The following NRG3 variants were observed in gnomAD, a reference collection of about 807,000 sequenced individuals.
The protein encoded by NRG3 is pro-neuregulin-3, membrane-bound isoform.
A neutral mutation model predicts 66.9 loss-of-function variants in NRG3; 31 were observed. That is an observed-to-expected ratio of 0.46 (90% CI 0.35 to 0.63). The LOEUF is 0.63. Ranked by LOEUF, NRG3 falls within the 20% of genes least tolerant of loss-of-function variation. The pLI is 0.00. For synonymous variants in NRG3, 393 were observed against 359.4 expected (o/e 1.09, Z -1.06); for missense variants, 910 against 878.9 (o/e 1.04, Z -0.45).
intron 5 of NRG3, among the ~76,000 whole-genome samples, chr10:82,956,302 C>T (rs1453432942): frequency 6.6e-6 from 1 of 151,968 alleles, no homozygotes; most frequent in Non-Finnish European, 1.5e-5. Context: ...GCAAGGCATG[C>T]ATCTTTTCTT....
chr10:82,300,873 A>G (rs1039389322), intron 1 of NRG3, among the ~76,000 whole-genome samples: 1 of 152,078 alleles, frequency 6.6e-6, no homozygotes, highest in Admixed American at 6.5e-5. Flanking sequence ...TTGTACTCCT[A>G]TAGTCCCAGC....
chr10:82,678,208 G>A (rs2053856732), intron 2 of NRG3, among the ~76,000 whole-genome samples: 1 of 152,150 alleles, frequency 6.6e-6, no homozygotes, highest in African/African-American at 2.4e-5. Context: ...CGTGTGAAGA[G>A]ACCACCAAAC....
chr10:82,728,394 A>G (rs111276729), intron 2 of NRG3, among the ~76,000 whole-genome samples: 13,663 of 152,138 alleles, frequency 0.09, 771 homozygotes, highest in East Asian at 0.21. Flanking sequence ...TGCTGTTCTC[A>G]TGATACTAAA....
At chr10:81,956,610 C>T (rs1849857914) in intron 1 of NRG3, among the ~76,000 whole-genome samples, 1 of 152,140 alleles carries the variant, frequency 6.6e-6, no homozygotes, top group African/African-American at 2.4e-5. Context: ...TCTTAACTGT[C>T]CACCACAGCT....
At chr10:82,814,266 T>C (rs2061615010) in intron 3 of NRG3, among the ~76,000 whole-genome samples, 2 of 152,206 alleles carry the variant, frequency 1.3e-5, no homozygotes, top group Admixed American at 6.5e-5. Context: ...TTGGCAAACA[T>C]ACCAATTCAT....
In NRG3 at chr10:81,875,802, T is replaced by C; in HGVS notation, c.462T>C (p.Ile154=). ...CCTCCTCCAGGACGCCCAACCGGATTAGCACTCGCCTGACCACCATCACGC... is the reference window on the plus strand; with the variant it reads ...CCTCCTCCAGGACGCCCAACCGGATCAGCACTCGCCTGACCACCATCACGC... ...GAASSRTPNR[I]STRLTTITRA... Residue 154 remains isoleucine (I), a synonymous_variant, in exon 1 of 9, where the codon ATT becomes ATC. Transcript: ENST00000372141. The surrounding 1 kb of genome is among the most constrained non-coding windows in gnomAD (Gnocchi z 5.3). 6.2e-7 allele frequency: 1 copy of C among 1,609,808 alleles called. No individual in the cohort carries two copies. The highest frequency in any genetic ancestry group is 8.5e-7 in the Non-Finnish European group (1 of 1,179,824).
chr10:82,745,004 C>T (rs1446263824), intron 3 of NRG3, among the ~76,000 whole-genome samples: 1 of 152,150 alleles, frequency 6.6e-6, no homozygotes, highest in African/African-American at 2.4e-5. Context: ...AGCCTATTAC[C>T]TGGCCTCGAA....
At chr10:82,379,744 A>T (rs954794662) in intron 2 of NRG3, among the ~76,000 whole-genome samples, 6 of 152,058 alleles carry the variant, frequency 3.9e-5, no homozygotes, top group Admixed American at 2.6e-4. Context: ...TTGAAGCTCA[A>T]TGTAAACTGG....
chr10:82,872,910 T>A (rs1841473536), intron 4 of NRG3, among the ~76,000 whole-genome samples: 1 of 152,096 alleles, frequency 6.6e-6, no homozygotes, highest in African/African-American at 2.4e-5. Flanking sequence ...GCTATTTCAG[T>A]CTTTCTTCCT....
At chr10:82,339,847 CT>C (rs2082588895) in intron 1 of NRG3, among the ~76,000 whole-genome samples, 1 of 151,892 alleles carries the variant, frequency 6.6e-6, no homozygotes, top group Admixed American at 6.6e-5. Context: ...ATCCTTTCCA[CT>C]TGATTTAGCA....
intron 3 of NRG3, among the ~76,000 whole-genome samples, chr10:82,762,141 C>A (rs2059353882): frequency 6.6e-6 from 1 of 151,556 alleles, no homozygotes; most frequent in Non-Finnish European, 1.5e-5. Context: ...GCAGCCTCCG[C>A]CTCGCCAGCT....
intron 6 of NRG3, among the ~76,000 whole-genome samples, chr10:82,964,517 A>G (rs931450106): frequency 2.6e-5 from 4 of 152,142 alleles, no homozygotes; most frequent in South Asian, 2.1e-4. Flanking sequence ...GAAAATTGCA[A>G]TTCTTAAAGT....
chr10:82,159,382 G>A (rs1590349562), intron 1 of NRG3, among the ~76,000 whole-genome samples: 1 of 151,678 alleles, frequency 6.6e-6, no homozygotes, highest in African/African-American at 2.4e-5. Flanking sequence ...ATATATTACT[G>A]GTTTTCAAGT....
chr10:82,413,216 A>C (rs963648986), intron 2 of NRG3, among the ~76,000 whole-genome samples: 1 of 152,188 alleles, frequency 6.6e-6, no homozygotes, highest in African/African-American at 2.4e-5. Context: ...TTAGATAATA[A>C]AATTTGAAAG....
intron 1 of NRG3, among the ~76,000 whole-genome samples, chr10:82,341,124 G>T (rs2082664914): frequency 6.6e-6 from 1 of 152,070 alleles, no homozygotes. Flanking sequence ...AGCTATGTAT[G>T]CCCAAAATTT....
At chr10:82,550,068 G>C (rs1259030400) in intron 2 of NRG3, among the ~76,000 whole-genome samples, 2 of 152,114 alleles carry the variant, frequency 1.3e-5, no homozygotes, top group African/African-American at 4.8e-5. Flanking sequence ...GAATGCAAAT[G>C]ATCTGTGCTG....
intron 2 of NRG3, among the ~76,000 whole-genome samples, chr10:82,674,937 A>T (rs200775860): frequency 7.7e-5 from 11 of 143,656 alleles, no homozygotes; most frequent in Admixed American, 3.5e-4. Context: ...GGTTTTATTT[A>T]TATTTATTTA....
Position 82,498,209 on chromosome 10 carries a change from G to A in NRG3, c.953+139341G>A, listed in dbSNP as rs965840965. 7.4e-4 allele frequency among the ~76,000 whole-genome samples: 111 copies of A among 150,002 alleles called. 7 individuals are homozygous for A. The highest frequency in any genetic ancestry group is 1.5e-5 in the Non-Finnish European group (1 of 67,620). On this transcript the variant is annotated intron_variant, in intron 2 of 8. Coordinates refer to ENST00000372141, the MANE Select transcript of NRG3 (RefSeq NM_001010848.4). ...TTATAGCTTATCTTTTCATTTCATT[G>A]ATTGTTTGCTGTGAAAAAAAATCCA...
chr10:82,284,399 A>G (rs561917876), intron 1 of NRG3, among the ~76,000 whole-genome samples: 1 of 152,338 alleles, frequency 6.6e-6, no homozygotes, highest in African/African-American at 2.4e-5. Flanking sequence ...TTACACACAG[A>G]TACAAGAACA....
Sources: gnomAD v4.1 joint callset for allele counts (sites outside exome capture counted in the v4.1 genomes callset) on GRCh38, gnomAD v4.1.1 for gene constraint, Gnocchi (gnomAD v3.1) non-coding constraint, MANE v1.5 for transcripts, NCBI Gene and HGNC (gene_info 2026-07-23, HGNC 2026-07-21) for gene names.